The following CD163L1 variants were observed in gnomAD, a reference collection of about 807,000 sequenced individuals.
The protein encoded by CD163L1 is CD163 molecule like 1.
CD163L1 carries 124 observed loss-of-function variants against 165.4 expected under a neutral mutation model. That is an observed-to-expected ratio of 0.75 (90% CI 0.65 to 0.87). CD163L1 has a LOEUF of 0.87. Ranked by LOEUF, CD163L1 falls within the 40% of genes least tolerant of loss-of-function variation. The probability of loss-of-function intolerance (pLI) is 0.00; values close to 1 mark genes in which losing one functional copy is unlikely to be tolerated. For missense variants in CD163L1, 1,525 were observed against 1,799.9 expected (o/e 0.85, Z 2.76); for synonymous variants, 585 against 662.2 (o/e 0.88, Z 1.79).
the CD163L1 span, among the ~76,000 whole-genome samples, chr12:7,338,727 T>C: frequency 1.3e-5 from 2 of 152,154 alleles, no homozygotes; most frequent in Non-Finnish European, 2.9e-5. Flanking sequence ...ATCATTCCTA[T>C]ATGGCACATA....
chr12:7,440,404 C>A (rs775621246), intron 2 of CD163L1, among the ~76,000 whole-genome samples: 1 of 151,512 alleles, frequency 6.6e-6, no homozygotes, highest in African/African-American at 2.4e-5. Context: ...CCGCGGCGCG[C>A]CCAGCCCGGC....
chr12:7,399,110 T>C (rs113634163), intron 6 of CD163L1, among the ~76,000 whole-genome samples: 1 of 152,286 alleles, frequency 6.6e-6, no homozygotes, highest in African/African-American at 2.4e-5. Context: ...TTGAGAAATA[T>C]TGAGAAAATT....
chr12:7,426,835 A>G (rs1948551696), intron 4 of CD163L1, among the ~76,000 whole-genome samples: 1 of 152,182 alleles, frequency 6.6e-6, no homozygotes, highest in African/African-American at 2.4e-5. Flanking sequence ...TTTAGGACAC[A>G]CATAGGCTGA....
intron 4 of CD163L1, among the ~76,000 whole-genome samples, chr12:7,407,156 G>A (rs1209035943): frequency 6.6e-6 from 1 of 152,164 alleles, no homozygotes; most frequent in African/African-American, 2.4e-5. Flanking sequence ...AATAATGCAT[G>A]TAAATTTATT....
Position 7,441,140 on chromosome 12 carries a change from C to T in CD163L1, c.124+14G>A. 6.3e-7 allele frequency: 1 copy of T among 1,584,690 alleles called. No homozygotes were observed. ...GGATTGTAAGCCCAAAAGTTATCAT[C>T]CATCAGAACTCACTAAAACTGCTGA... On this transcript the variant is annotated intron_variant, in intron 2 of 19. Coordinates refer to ENST00000313599, the MANE Select transcript of CD163L1 (RefSeq NM_174941.6).
intron 18 of CD163L1, among the ~76,000 whole-genome samples, chr12:7,358,714 C>A (rs761851298): frequency 2.0e-5 from 3 of 152,048 alleles, no homozygotes; most frequent in Non-Finnish European, 2.9e-5. Context: ...ACAAGGCACA[C>A]TGAAAGACAA....
intron 18 of CD163L1, among the ~76,000 whole-genome samples, chr12:7,363,784 T>G (rs1946954793): frequency 5.8e-5 from 2 of 34,282 alleles, no homozygotes; most frequent in African/African-American, 1.7e-4. Flanking sequence ...GCCATAATAA[T>G]AATAAGAAAA....
At position 7,396,309 on chromosome 12, in the gene CD163L1, C is replaced by A; in HGVS notation, c.1836G>T (p.Trp612Cys). 1.2e-6 allele frequency: 2 copies of A among 1,614,170 alleles called. No individual in the cohort carries two copies. Among genetic ancestry groups the A allele is most frequent in the Non-Finnish European group, 1.7e-6 (2 of 1,180,030 alleles). ...GRWGTVCDDG[W>C]NSKAAAVVCS... The stretch of plus-strand genomic sequence containing the variant: ...ACACCACAGCTGCAGCTTTACTGTT[C>A]CAGCCGTCATCACACACTGTGCCCC... The change falls in exon 8 of 20, where the codon TGG becomes TGT. Residue 612 changes from tryptophan to cysteine, a missense_variant. Coordinates refer to ENST00000313599, the MANE Select transcript of CD163L1 (RefSeq NM_174941.6).
rs1565781449 is a variant in CD163L1, at chr12:7,375,990, C to A, written c.2396G>T (p.Gly799Val). ...CSAHRQPRLVGADMPCSGRVE... is the reference protein window; with the variant it reads ...CSAHRQPRLVVADMPCSGRVE... ...ACGTCCAGAGCAGGGCATATCAGCT[C>A]CAACCAGCCTGGGCTGCCTGTGGGC... The change falls in exon 10 of 20, where the codon GGA becomes GTA. Residue 799 changes from glycine (G) to valine (V), a missense_variant. Transcript: ENST00000313599. 6.2e-7 allele frequency: 1 copy of A among 1,613,938 alleles called. No homozygotes were observed. Among genetic ancestry groups the A allele is most frequent in the Non-Finnish European group, 8.5e-7 (1 of 1,179,944 alleles).
chr12:7,380,143 C>T (rs1947354346), intron 8 of CD163L1, among the ~76,000 whole-genome samples: 1 of 151,950 alleles, frequency 6.6e-6, no homozygotes, highest in Admixed American at 6.6e-5. Flanking sequence ...TAGGTATCTA[C>T]CCAGAGGAAA....
At chr12:7,328,982 G>GTATA in the CD163L1 span, among the ~76,000 whole-genome samples, 2 of 147,366 alleles carry the variant, frequency 1.4e-5, no homozygotes, top group East Asian at 2.0e-4. Flanking sequence ...ATATACATAT[G>GTATA]TGTATATACA....
chr12:7,328,440 T>C, the CD163L1 span: 1 of 1,202,730 alleles, frequency 8.3e-7, no homozygotes, highest in South Asian at 1.5e-5. Flanking sequence ...GTTCCGATAA[T>C]TCAGCGACTA....
At chr12:7,319,819 T>C in the CD163L1 span, among the ~76,000 whole-genome samples, 1 of 152,186 alleles carries the variant, frequency 6.6e-6, no homozygotes, top group Non-Finnish European at 1.5e-5. Flanking sequence ...GTAAGTTAAC[T>C]TTGCAGTTTC....
At chr12:7,340,668 GCT>G in the CD163L1 span, among the ~76,000 whole-genome samples, 14,284 of 152,086 alleles carry the variant, frequency 0.094, 787 homozygotes, top group East Asian at 0.16. Context: ...ATTTCAAAGG[GCT>G]CTCAAATGGG....
the CD163L1 span, among the ~76,000 whole-genome samples, chr12:7,325,928 C>T: frequency 5.1e-4 from 78 of 152,294 alleles, no homozygotes; most frequent in African/African-American, 1.8e-3. Context: ...ACTCTTACCT[C>T]CTGTACTCAC....
In CD163L1 at chr12:7,374,560, G is replaced by A; in HGVS notation, c.3291C>T (p.Pro1097=). The change falls in exon 13 of 20, where the codon CCC becomes CCT. Residue 1097 remains proline (P), a synonymous_variant. Coordinates refer to ENST00000313599, the MANE Select transcript of CD163L1 (RefSeq NM_174941.6). The surrounding 1 kb of genome is among the most constrained non-coding windows in gnomAD (Gnocchi z 5.4). ...TGCAGTTCAGGTCATCCAGCCAGAT[G>A]GGCCCTGACCCCTCCCCAAAGTGAG... The part of the protein sequence containing the change: ...VSAHFGEGSG[P]IWLDDLNCTG... The A allele has an allele frequency of 6.2e-7, 1 of 1,614,220 alleles. No homozygotes were observed. Among genetic ancestry groups the A allele is most frequent in the South Asian group, 1.1e-5 (1 of 91,080 alleles).
rs531499565 is a variant in CD163L1 at position 7,369,637 on chromosome 12, G to A, written c.3759C>T (p.Thr1253=). 1 of 1,613,972 alleles carries A rather than the reference G, an allele frequency of 6.2e-7. No individual in the cohort carries two copies. Among genetic ancestry groups the A allele is most frequent in the African/African-American group, 1.3e-5 (1 of 75,010 alleles). The change falls in exon 15 of 20, where the codon ACC becomes ACT. Residue 1253 remains threonine (T), a synonymous_variant. Coordinates refer to ENST00000313599, the MANE Select transcript of CD163L1 (RefSeq NM_174941.6). This position sits in a 1 kb window ranked among gnomAD's most constrained non-coding sequence, Gnocchi z 4.9. The part of the protein sequence containing the change: ...EDRIRVRGGD[T]ECSGRVEIWH... ...AGATCTCCACTCTCCCAGAGCACTC[G>A]GTGTCTCCTCCACGCACTCTTATTC...
intron 6 of CD163L1, among the ~76,000 whole-genome samples, chr12:7,401,706 T>C (rs751505952): frequency 5.9e-5 from 9 of 152,070 alleles, no homozygotes; most frequent in Non-Finnish European, 1.2e-4. Flanking sequence ...TGGTATATTG[T>C]TCAGCACAAA....
Position 7,374,457 on chromosome 12 carries a change from C to A in CD163L1, c.3394G>T (p.Gly1132Trp). 1 of 1,612,668 alleles carries A rather than the reference C, an allele frequency of 6.2e-7. No individual in the cohort carries two copies. The highest frequency in any genetic ancestry group is 2.2e-5 in the East Asian group (1 of 44,872). ...CAGCACAGACCTGAGCAGATGACCC[C>A]TGCGTCCTCCTTGTGCCTGCAGTCG... ...QHDCRHKEDA[G>W]VICSEFTALR... Residue 1132 changes from glycine (G) to tryptophan (W), a missense_variant, in exon 13 of 20, where the codon GGG becomes TGG. By Grantham distance (184) the Gly-to-Trp change is radical (BLOSUM62 -2). Coordinates refer to ENST00000313599, the MANE Select transcript of CD163L1 (RefSeq NM_174941.6). This position sits in a 1 kb window ranked among gnomAD's most constrained non-coding sequence, Gnocchi z 5.4.
Sources: gnomAD v4.1 joint callset for allele counts (sites outside exome capture counted in the v4.1 genomes callset) on GRCh38, gnomAD v4.1.1 for gene constraint, Gnocchi (gnomAD v3.1) non-coding constraint, MANE v1.5 for transcripts, NCBI Gene and HGNC (gene_info 2026-07-23, HGNC 2026-07-21) for gene names.